The following PIWIL2 variants were observed in gnomAD, a reference collection of about 807,000 sequenced individuals.
The protein encoded by PIWIL2 is piwi-like protein 2.
A neutral mutation model predicts 116.5 loss-of-function variants in PIWIL2; 81 were observed. The observed-to-expected ratio is 0.70, with a 90% CI of 0.58 to 0.84. PIWIL2 has a LOEUF of 0.84. Among genes scored for constraint, PIWIL2 ranks in the 40% least tolerant of loss-of-function variants. The pLI, the probability that PIWIL2 is intolerant of heterozygous loss-of-function variation, is 0.00. For missense variants in PIWIL2, 1,272 were observed against 1,212.3 expected (o/e 1.05, Z -0.73); for synonymous variants, 489 against 429.5 (o/e 1.14, Z -1.71).
intron 20 of PIWIL2, among the ~76,000 whole-genome samples, chr8:22,334,536 A>G (rs1277557784): frequency 6.6e-6 from 1 of 151,470 alleles, no homozygotes; most frequent in East Asian, 2.0e-4. Context: ...AAAAAAAGAA[A>G]AGAAAATACA....
At chr8:22,290,923 T>A (rs551557254) in intron 10 of PIWIL2, among the ~76,000 whole-genome samples, 1 of 151,916 alleles carries the variant, frequency 6.6e-6, no homozygotes, top group South Asian at 2.1e-4. Flanking sequence ...AGTTTGCATA[T>A]AATAATATAC....
intron 15 of PIWIL2, among the ~76,000 whole-genome samples, chr8:22,310,428 A>G (rs1831300563): frequency 6.6e-6 from 1 of 152,280 alleles, no homozygotes; most frequent in Admixed American, 6.5e-5. Context: ...ACAGTACCTC[A>G]CCTAGGGAAC....
At chr8:22,306,069 T>C in intron 13 of PIWIL2, 53 bp downstream of exon 13, 1 of 1,287,122 alleles carries the variant, frequency 7.8e-7, no homozygotes, top group Admixed American at 1.7e-5. Context: ...GGCAGCCTTT[T>C]GGTTAACAGT....
intron 20 of PIWIL2, among the ~76,000 whole-genome samples, chr8:22,318,726 CAGGCAGCTCAG>C (rs1395317538): frequency 8.5e-5 from 13 of 152,324 alleles, no homozygotes; most frequent in Admixed American, 5.9e-4. Context: ...TGCTACTGAG[CAGGCAGCTCAG>C]AGCTCCTCCT....
At chr8:22,313,094 T>G (rs1171084853) in intron 16 of PIWIL2, among the ~76,000 whole-genome samples, 1 of 152,230 alleles carries the variant, frequency 6.6e-6, no homozygotes, top group Non-Finnish European at 1.5e-5. Flanking sequence ...TTGTGTTCCC[T>G]TTTTGAGAGG....
intron 20 of PIWIL2, among the ~76,000 whole-genome samples, chr8:22,349,929 TGGCTC>T (rs1226030802): frequency 2.2e-4 from 33 of 152,298 alleles, no homozygotes; most frequent in Non-Finnish European, 4.4e-4. Flanking sequence ...TCTGTTGGTG[TGGCTC>T]GAGTCGTCTA....
intron 20 of PIWIL2, among the ~76,000 whole-genome samples, chr8:22,339,865 G>C (rs964263191): frequency 1.3e-5 from 2 of 152,130 alleles, no homozygotes; most frequent in South Asian, 2.1e-4. Flanking sequence ...CACATGAAAA[G>C]AAGCTAAATA....
intron 10 of PIWIL2, among the ~76,000 whole-genome samples, chr8:22,300,747 T>C (rs2132023514): frequency 6.6e-6 from 1 of 152,336 alleles, no homozygotes; most frequent in Non-Finnish European, 1.5e-5. Context: ...TCCTAGTGAA[T>C]AATGATGTAG....
At chr8:22,292,310 G>A (rs1397450536) in intron 10 of PIWIL2, among the ~76,000 whole-genome samples, 2 of 152,236 alleles carry the variant, frequency 1.3e-5, no homozygotes. Flanking sequence ...GCTGTGTGGA[G>A]AATAGACTTG....
At chr8:22,349,131 C>G (rs1253133793) in intron 20 of PIWIL2, among the ~76,000 whole-genome samples, 1 of 150,286 alleles carries the variant, frequency 6.7e-6, no homozygotes, top group Non-Finnish European at 1.5e-5. Context: ...TCACTGCAAC[C>G]TCTGCCCCCC....
intron 11 of PIWIL2, 43 bp from the exon 12 acceptor site, chr8:22,304,741 G>A (rs767282325): frequency 8.9e-6 from 10 of 1,122,582 alleles, no homozygotes; most frequent in Non-Finnish European, 1.4e-5. Context: ...TAAGAGTATT[G>A]ATGCTGCTTC....
intron 20 of PIWIL2, among the ~76,000 whole-genome samples, chr8:22,342,554 G>A (rs1033599715): frequency 2.0e-5 from 3 of 152,140 alleles, no homozygotes; most frequent in African/African-American, 7.2e-5. Context: ...AATGGTGCTG[G>A]AACAAGTGGC....
At chr8:22,350,325 G>A (rs1832325906) in intron 20 of PIWIL2, among the ~76,000 whole-genome samples, 1 of 152,190 alleles carries the variant, frequency 6.6e-6, no homozygotes, top group Non-Finnish European at 1.5e-5. Context: ...GCCAGGTATG[G>A]TATCTCACAC....
Position 22,306,005 on chromosome 8 carries a change from A to G in PIWIL2, c.1534A>G (p.Arg512Gly), listed in dbSNP as rs1458992205. Residue 512 changes from arginine (R) to glycine (G), a missense_variant, in exon 13 of 23, where the codon AGA becomes GGA. By Grantham distance (125) the Arg-to-Gly change is moderately radical (BLOSUM62 -2). Coordinates refer to ENST00000356766, the MANE Select transcript of PIWIL2 (RefSeq NM_018068.5). Reference sequence around the variant, plus strand: ...CCCAGAGAAGATGAAGAAGGACTTCAGAGCCATGAAGGTTGGAGTCCTGTG... The same window carrying G: ...CCCAGAGAAGATGAAGAAGGACTTCGGAGCCATGAAGGTTGGAGTCCTGTG... ...GIPEKMKKDF[R>G]AMKDLAQQIN... The G allele has an allele frequency of 6.2e-7, 1 of 1,612,724 alleles. No homozygotes were observed. The highest frequency in any genetic ancestry group is 8.5e-7 in the Non-Finnish European group (1 of 1,178,702).
At chr8:22,316,671 A>G (rs899036262) in intron 19 of PIWIL2, among the ~76,000 whole-genome samples, 6 of 151,908 alleles carry the variant, frequency 3.9e-5, no homozygotes, top group African/African-American at 1.5e-4. Flanking sequence ...TAGTAGAGAC[A>G]GCGTTTCACC....
chr8:22,292,324 G>C (rs1305579431), intron 10 of PIWIL2, among the ~76,000 whole-genome samples: 1 of 152,204 alleles, frequency 6.6e-6, no homozygotes, highest in South Asian at 2.1e-4. Context: ...AGACTTGGCT[G>C]ACTGAGGATG....
intron 13 of PIWIL2, among the ~76,000 whole-genome samples, chr8:22,306,988 C>G (rs1228982266): frequency 6.6e-6 from 1 of 152,168 alleles, no homozygotes; most frequent in Non-Finnish European, 1.5e-5. Context: ...AGATTTTACT[C>G]AACAATATTT....
chr8:22,330,275 G>A (rs1198071376), intron 20 of PIWIL2, among the ~76,000 whole-genome samples: 1 of 151,920 alleles, frequency 6.6e-6, no homozygotes, highest in Non-Finnish European at 1.5e-5. Flanking sequence ...TCTCACTCCT[G>A]AATTTCTATT....
chr8:22,307,473 ATTTTTTTTTTT>A (rs56755716), intron 13 of PIWIL2, among the ~76,000 whole-genome samples: 2 of 111,258 alleles, frequency 1.8e-5, no homozygotes, highest in African/African-American at 4.4e-5. Flanking sequence ...TTTATTATTC[ATTTTTTTTTTT>A]TTTTTTTTTT....
Sources: gnomAD v4.1 joint callset for allele counts (sites outside exome capture counted in the v4.1 genomes callset) on GRCh38, gnomAD v4.1.1 for gene constraint, MANE v1.5 for transcripts, NCBI Gene and HGNC (gene_info 2026-07-23, HGNC 2026-07-21) for gene names.